NDUFB3: variants seen among roughly 807,000 people sequenced by gnomAD.
The protein encoded by NDUFB3 is NADH dehydrogenase [ubiquinone] 1 beta subcomplex subunit 3.
NDUFB3 carries 7 observed loss-of-function variants against 9.0 expected under a neutral mutation model. That is an observed-to-expected ratio of 0.78 (90% confidence interval 0.44 to 1.46). The LOEUF (loss-of-function observed/expected upper bound fraction) is 1.46, where lower values mean the gene tolerates loss of function less well. Ranked by LOEUF, NDUFB3 falls within the 40% of genes most tolerant of loss-of-function variation. NDUFB3 has a pLI of 0.01. For synonymous variants in NDUFB3, 29 were observed against 38.5 expected, an observed-to-expected ratio of 0.75 and a Z score of 0.91; for missense variants, 93 against 115.4, an observed-to-expected ratio of 0.81 and a Z score of 0.89.
At chr2:201,082,770 G>A (rs909907970) in intron 2 of NDUFB3, among the ~76,000 whole-genome samples, 1 of 139,004 alleles carries the variant, frequency 7.2e-6, no homozygotes, top group South Asian at 2.3e-4. Flanking sequence ...GCGGACTGCA[G>A]TGGCGCAATC....
chr2:201,076,512 T>TATATATATAA lies in NDUFB3; in HGVS notation c.-2-2368_-2-2367insTATATATAAA, dbSNP rs1250913348. On this transcript the variant is annotated intron_variant, in intron 1 of 2. Coordinates refer to ENST00000237889, the MANE Select transcript of NDUFB3 (RefSeq NM_002491.3). ...ATATATATATATATATATATATATA[T>TATATATATAA]AATTAAATGTGAAAATCATCAACAT... 1.4e-4 allele frequency among the ~76,000 whole-genome samples: 19 copies of TATATATATAA among 134,410 alleles called. 1 individual carries two copies. Among genetic ancestry groups the TATATATATAA allele is most frequent in the African/African-American group, 4.8e-4 (17 of 35,470 alleles). The allele number at this position is 134,410 out of a possible 152,430, so 88.2% of individuals were successfully genotyped here. A position where few individuals can be genotyped will look rare whatever the true frequency, so the allele number is the denominator to read the frequency against.
At position 201,085,083 on chromosome 2, in the gene NDUFB3, T is replaced by C. The variant is rs139205645; in HGVS notation, c.141-376T>C. ...AGCCTACAAGATTGTGAATCTAATA[T>C]AAGTGGCATACCAAAGATTAATACC... On this transcript the variant is annotated intron_variant, in intron 2 of 2. Transcript: ENST00000237889. Among the ~76,000 whole-genome samples, 1,408 of 152,314 alleles carry C rather than the reference T, an allele frequency of 9.2e-3. 12 individuals are homozygous for C. The highest frequency in any genetic ancestry group is 0.017 in the South Asian group (80 of 4,832).
At chr2:201,075,697 T>G (rs542911878) in intron 1 of NDUFB3, among the ~76,000 whole-genome samples, 1 of 152,236 alleles carries the variant, frequency 6.6e-6, no homozygotes, top group South Asian at 2.1e-4. Context: ...TGAGGGTATG[T>G]ACGCTTTCAT....
intron 2 of NDUFB3, among the ~76,000 whole-genome samples, chr2:201,083,569 G>T (rs1202908442): frequency 1.3e-5 from 2 of 151,480 alleles, no homozygotes; most frequent in Non-Finnish European, 2.9e-5. Flanking sequence ...CTGGTCTCAA[G>T]CTCCCGACCT....
rs185358440 is a variant in NDUFB3, at chr2:201,072,013, G to C, written c.-49G>C. 6.6e-6 allele frequency: 1 copy of C among 152,282 alleles called. No homozygotes were observed. The highest frequency in any genetic ancestry group is 1.5e-5 in the Non-Finnish European group (1 of 68,064). The allele number at this position is 152,282 out of a possible 1,614,324, so 9.4% of individuals were successfully genotyped here. ...AGGTGACAACCTCCGTTTCCGGTTG[G>C]CTCCGGTTGCAGAGTTGAGTGTCCT... On this transcript the variant is annotated 5_prime_UTR_variant, in exon 1 of 3. Coordinates refer to ENST00000237889, the MANE Select transcript of NDUFB3 (RefSeq NM_002491.3).
intron 2 of NDUFB3, among the ~76,000 whole-genome samples, chr2:201,083,676 TG>T (rs769242544): frequency 2.6e-5 from 4 of 152,336 alleles, no homozygotes; most frequent in Non-Finnish European, 5.9e-5. Context: ...TATTGGATTT[TG>T]TTAAATGCTT....
chr2:201,082,464 T>C (rs1032546990), intron 2 of NDUFB3, among the ~76,000 whole-genome samples: 2 of 151,528 alleles, frequency 1.3e-5, no homozygotes, highest in African/African-American at 4.8e-5. Context: ...GAGGTTTTCC[T>C]GTGTTGCCCA....
In NDUFB3 at chr2:201,085,570, T is replaced by C. The variant is rs2047283004; in HGVS notation, c.252T>C (p.Ala84=). ...GFAAFVVAVG[A]EYYLESLNKD... is the part of the protein sequence containing the mutation. The stretch of plus-strand genomic sequence containing the variant: ...CTGCATTTGTGGTAGCTGTAGGAGC[T>C]GAATATTACCTGGAGTCCCTGAATA... Residue 84 remains alanine, a synonymous_variant, in exon 3 of 3, where the codon GCT becomes GCC. Transcript: ENST00000237889. 1 of 1,612,918 alleles carries C rather than the reference T, an allele frequency of 6.2e-7. No individual in the cohort carries two copies. Among genetic ancestry groups the C allele is most frequent in the South Asian group, 1.1e-5 (1 of 90,982 alleles).
chr2:201,079,403 G>A (rs1217692943), intron 2 of NDUFB3, among the ~76,000 whole-genome samples: 1 of 151,724 alleles, frequency 6.6e-6, no homozygotes, highest in Non-Finnish European at 1.5e-5. Flanking sequence ...TCAGCCTCCC[G>A]AAGTGCTGGG....
At chr2:201,075,597 A>G (rs2047156114) in intron 1 of NDUFB3, among the ~76,000 whole-genome samples, 1 of 149,998 alleles carries the variant, frequency 6.7e-6, no homozygotes, top group Admixed American at 6.6e-5. Flanking sequence ...AGGTATATTT[A>G]GTAAATTCCT....
intron 1 of NDUFB3, among the ~76,000 whole-genome samples, chr2:201,073,134 T>C (rs973515121): frequency 3.9e-5 from 6 of 152,206 alleles, no homozygotes; most frequent in Non-Finnish European, 7.3e-5. Context: ...TTTCTGTGAT[T>C]CCATCTCCTC....
chr2:201,075,909 A>G (rs1298368907), intron 1 of NDUFB3, among the ~76,000 whole-genome samples: 2 of 152,222 alleles, frequency 1.3e-5, no homozygotes, highest in Non-Finnish European at 2.9e-5. Flanking sequence ...ATTTGCCAAA[A>G]TAAGGGTTTG....
At chr2:201,084,015 G>A (rs2047262210) in intron 2 of NDUFB3, among the ~76,000 whole-genome samples, 1 of 152,162 alleles carries the variant, frequency 6.6e-6, no homozygotes, top group African/African-American at 2.4e-5. Context: ...AATTGGCCGG[G>A]CGCGGTGGCT....
chr2:201,078,894 ACATGGACATGAG>A lies in NDUFB3; in HGVS notation c.22_33del (p.Glu8_His11del), dbSNP rs1352857089. The stretch of plus-strand genomic sequence containing the variant: ...TTTTCCTTACAGACATGGCCCATGA[ACATGGACATGAG>A]CATGGACATCATAAAATGGAACTTC... On this transcript the variant is annotated inframe_deletion, in exon 2 of 3. Transcript: ENST00000237889. 2.5e-6 allele frequency: 4 copies of A among 1,610,000 alleles called. No individual in the cohort carries two copies. Among genetic ancestry groups the A allele is most frequent in the South Asian group, 2.2e-5 (2 of 90,238 alleles).
At chr2:201,073,661 G>A (rs921999314) in intron 1 of NDUFB3, among the ~76,000 whole-genome samples, 2 of 151,894 alleles carry the variant, frequency 1.3e-5, no homozygotes, top group African/African-American at 2.4e-5. Flanking sequence ...CCAGCTACTC[G>A]GTAGGCTGAG....
chr2:201,084,673 T>C (rs1287763983), intron 2 of NDUFB3, among the ~76,000 whole-genome samples: 1 of 152,206 alleles, frequency 6.6e-6, no homozygotes, highest in Non-Finnish European at 1.5e-5. Flanking sequence ...TCTATGTTCA[T>C]GAGGGATAGT....
At chr2:201,072,670 GC>G (rs1175815490) in intron 1 of NDUFB3, among the ~76,000 whole-genome samples, 5 of 152,184 alleles carry the variant, frequency 3.3e-5, no homozygotes, top group African/African-American at 1.2e-4. Flanking sequence ...TATTTGAGCT[GC>G]TCTGAAACGG....
intron 2 of NDUFB3, among the ~76,000 whole-genome samples, chr2:201,084,877 G>A (rs891085770): frequency 6.6e-6 from 1 of 151,562 alleles, no homozygotes; most frequent in South Asian, 2.1e-4. Context: ...GGCTGCTATG[G>A]TAGGGAGAAG....
intron 2 of NDUFB3, among the ~76,000 whole-genome samples, chr2:201,081,490 AC>A: frequency 6.6e-6 from 1 of 152,178 alleles, no homozygotes; most frequent in East Asian, 1.9e-4. Flanking sequence ...CTTAAAGAAA[AC>A]AAAAAATTTA....
Sources: gnomAD v4.1 joint callset for allele counts (sites outside exome capture counted in the v4.1 genomes callset) on GRCh38, gnomAD v4.1.1 for gene constraint, MANE v1.5 for transcripts, NCBI Gene and HGNC (gene_info 2026-07-23, HGNC 2026-07-21) for gene names.